The following WDFY1 variants were observed in gnomAD, a reference collection of about 807,000 sequenced individuals.
WDFY1 encodes the protein WD repeat and FYVE domain-containing protein 1.
WDFY1 carries 32 observed loss-of-function variants against 56.4 expected under a neutral mutation model. The ratio of observed to expected loss-of-function variants is 0.57; its 90% CI spans 0.43 to 0.76. The LOEUF (loss-of-function observed/expected upper bound fraction) is 0.76. WDFY1 is among the 30% of genes least tolerant of loss of function. The pLI is 0.00. For synonymous variants in WDFY1, 192 were observed against 197.3 expected, an observed-to-expected ratio of 0.97 and a Z score of 0.23; for missense variants, 480 against 545.7, an observed-to-expected ratio of 0.88 and a Z score of 1.20.
intron 5 of WDFY1, 78 bp downstream of exon 5, chr2:223,901,105 C>T (rs1693500227): frequency 1.3e-6 from 2 of 1,487,424 alleles, no homozygotes; most frequent in Admixed American, 4.4e-5. Flanking sequence ...AGATCTCAGC[C>T]ATTTGGGATG....
At chr2:223,882,496 C>T (rs1200543812) in intron 9 of WDFY1, among the ~76,000 whole-genome samples, 1 of 152,116 alleles carries the variant, frequency 6.6e-6, no homozygotes, top group African/African-American at 2.4e-5. Context: ...GCAATCACCC[C>T]AATTCAATGT....
rs750919629 is a variant in WDFY1, at chr2:223,878,742, GAAGA to G, written c.1174-16_1174-13del. 4 of 1,595,816 alleles carry G rather than the reference GAAGA, an allele frequency of 2.5e-6. No homozygotes were observed. Among genetic ancestry groups the G allele is most frequent in the South Asian group, 1.1e-5 (1 of 90,862 alleles). On this transcript the variant is annotated splice_polypyrimidine_tract_variant and intron_variant, in intron 11 of 11. Coordinates refer to ENST00000233055, the MANE Select transcript of WDFY1 (RefSeq NM_020830.5). The stretch of plus-strand genomic sequence containing the variant: ...GTCATGTCCCAGATCTACAAGGAAG[GAAGA>G]AACGCAGAAAAGGCAGCAGTGATAA...
intron 4 of WDFY1, 152 bp from the exon 5 acceptor site, chr2:223,901,485 C>T: frequency 2.2e-6 from 2 of 928,554 alleles, no homozygotes; most frequent in Non-Finnish European, 3.1e-6. Flanking sequence ...ATATTTCAGA[C>T]AACCCGCCCC....
At chr2:223,880,806 T>A (rs898414798) in intron 10 of WDFY1, among the ~76,000 whole-genome samples, 15 of 151,522 alleles carry the variant, frequency 9.9e-5, no homozygotes, top group African/African-American at 3.6e-4. Context: ...TTCCTAGATA[T>A]AAAAACAAGA....
At chr2:223,929,062 A>G (rs576545161) in intron 1 of WDFY1, among the ~76,000 whole-genome samples, 7 of 152,308 alleles carry the variant, frequency 4.6e-5, no homozygotes, top group South Asian at 4.1e-4. Context: ...GCAGAAGGAC[A>G]GTGAAGGAGA....
At chr2:223,895,385 A>G (rs1375961152) in intron 7 of WDFY1, 119 bp downstream of exon 7, 34 of 1,460,772 alleles carry the variant, frequency 2.3e-5, no homozygotes, top group Non-Finnish European at 3.2e-5. Flanking sequence ...GAGCCCTATC[A>G]ATGATAATTG....
intron 2 of WDFY1, among the ~76,000 whole-genome samples, chr2:223,913,608 T>C (rs1693739747): frequency 6.6e-6 from 1 of 152,230 alleles, no homozygotes; most frequent in Admixed American, 6.5e-5. Context: ...CATACACTTA[T>C]CTTTGACAAA....
Position 223,876,074 on chromosome 2 carries a change from A to T in WDFY1, c.*2597T>A, listed in dbSNP as rs1277784662. The stretch of plus-strand genomic sequence containing the variant: ...TGTAATGAATAATTTGTTTCTACCT[A>T]ATGCTATAGGGGTATTGCTATCATT... On this transcript the variant is annotated 3_prime_UTR_variant, in exon 12 of 12. Transcript: ENST00000233055. 1.3e-5 allele frequency: 2 copies of T among 152,386 alleles called. No homozygotes were observed. Among genetic ancestry groups the T allele is most frequent in the Non-Finnish European group, 2.9e-5 (2 of 68,014 alleles). The allele number at this position is 152,386 out of a possible 1,614,324, so 9.4% of individuals were successfully genotyped here.
chr2:223,935,663 C>G (rs1694156956), intron 1 of WDFY1, among the ~76,000 whole-genome samples: 1 of 152,148 alleles, frequency 6.6e-6, no homozygotes, highest in African/African-American at 2.4e-5. Flanking sequence ...TATGCAGTAC[C>G]TGGTGGAGTA....
intron 1 of WDFY1, among the ~76,000 whole-genome samples, chr2:223,935,052 G>A (rs1694146274): frequency 6.6e-6 from 1 of 152,144 alleles, no homozygotes; most frequent in Non-Finnish European, 1.5e-5. Flanking sequence ...CAGCACAGCA[G>A]GACGAAGCCT....
chr2:223,929,359 T>TG, intron 1 of WDFY1, among the ~76,000 whole-genome samples: 1 of 152,128 alleles, frequency 6.6e-6, no homozygotes, highest in Admixed American at 6.5e-5. Flanking sequence ...AGCTAATTTT[T>TG]GTATTTTTAG....
At chr2:223,908,948 T>G (rs1425283700) in intron 3 of WDFY1, among the ~76,000 whole-genome samples, 3 of 152,150 alleles carry the variant, frequency 2.0e-5, no homozygotes, top group Non-Finnish European at 4.4e-5. Flanking sequence ...CTCTTCTCCA[T>G]CACCACCCCA....
intron 11 of WDFY1, among the ~76,000 whole-genome samples, chr2:223,879,251 G>A (rs1693024268): frequency 6.6e-6 from 1 of 152,126 alleles, no homozygotes; most frequent in South Asian, 2.1e-4. Context: ...AAGCATATAG[G>A]TAGTGTCTTT....
chr2:223,915,053 T>C (rs1459747887), intron 2 of WDFY1, among the ~76,000 whole-genome samples: 1 of 152,244 alleles, frequency 6.6e-6, no homozygotes, highest in African/African-American at 2.4e-5. Context: ...GGCATCCTTC[T>C]TTTTGTATCC....
At chr2:223,930,479 G>C (rs912077284) in intron 1 of WDFY1, among the ~76,000 whole-genome samples, 2 of 152,170 alleles carry the variant, frequency 1.3e-5, no homozygotes, top group Non-Finnish European at 2.9e-5. Flanking sequence ...ACAGGCATGC[G>C]CCACCACGCC....
chr2:223,903,655 T>G (rs1215027304), intron 4 of WDFY1, among the ~76,000 whole-genome samples: 1 of 151,194 alleles, frequency 6.6e-6, no homozygotes, highest in African/African-American at 2.4e-5. Context: ...TTTGTTTTTT[T>G]TTTTTTAAAA....
chr2:223,884,121 A>C (rs530575729), intron 9 of WDFY1, among the ~76,000 whole-genome samples: 1 of 151,892 alleles, frequency 6.6e-6, no homozygotes, highest in East Asian at 1.9e-4. Flanking sequence ...GGCTATTTGG[A>C]ACATATTTCT....
At chr2:223,944,915 G>A (rs910824482) in intron 1 of WDFY1, among the ~76,000 whole-genome samples, 1 of 151,874 alleles carries the variant, frequency 6.6e-6, no homozygotes, top group African/African-American at 2.4e-5. Flanking sequence ...AGGGGATCCG[G>A]GCTGGAGGGG....
At chr2:223,940,133 A>G (rs1574784761) in intron 1 of WDFY1, among the ~76,000 whole-genome samples, 2 of 152,210 alleles carry the variant, frequency 1.3e-5, no homozygotes, top group Non-Finnish European at 2.9e-5. Flanking sequence ...AGCCTGGCCA[A>G]GACGGTGAAA....
Sources: allele counts gnomAD v4.1 joint callset (sites outside exome capture counted in the v4.1 genomes callset), GRCh38; gene constraint gnomAD v4.1.1; transcripts MANE v1.5; gene names NCBI Gene and HGNC (gene_info 2026-07-23, HGNC 2026-07-21).